Variants in LZTFL1 observed in about 807,000 individuals in gnomAD.
The protein encoded by LZTFL1 is leucine zipper transcription factor like 1, also known as leucine zipper transcription factor-like protein 1.
In LZTFL1, 25 loss-of-function variants were observed where a neutral mutation model predicts 45.9. The ratio of observed to expected loss-of-function variants is 0.54; its 90% CI spans 0.40 to 0.76. LZTFL1 has a LOEUF of 0.76. Among genes scored for constraint, LZTFL1 ranks in the 30% least tolerant of loss-of-function variants. The pLI is 0.00. For synonymous variants in LZTFL1, 93 were observed against 117.4 expected (o/e 0.79, Z 1.35); for missense variants, 277 against 331.1 (o/e 0.84, Z 1.27).
At chr3:45,879,846 CATT>C (rs1387812708) in intron 2 of LZTFL1, among the ~76,000 whole-genome samples, 1 of 152,186 alleles carries the variant, frequency 6.6e-6, no homozygotes, top group Middle Eastern at 3.2e-3. Context: ...AAAAACCCAA[CATT>C]ATTAACTGGA....
At chr3:45,839,582 G>C (rs932695481) in intron 1 of LZTFL1, among the ~76,000 whole-genome samples, 4 of 152,120 alleles carry the variant, frequency 2.6e-5, no homozygotes, top group African/African-American at 9.7e-5. Context: ...ATGTTACTCT[G>C]ATCCTAAAGT....
At chr3:45,869,096 T>C (rs1467854650) in intron 2 of LZTFL1, among the ~76,000 whole-genome samples, 1 of 152,178 alleles carries the variant, frequency 6.6e-6, no homozygotes, top group Non-Finnish European at 1.5e-5. Flanking sequence ...AGGTCTTGTG[T>C]GACACTGACT....
chr3:45,854,974 T>C (rs1333087332), intron 4 of LZTFL1: 3 of 1,515,900 alleles, frequency 2.0e-6, no homozygotes, highest in Non-Finnish European at 2.7e-6. Flanking sequence ...TCAGATGCGC[T>C]TGTCAACTTA....
rs1559416096 is a variant in LZTFL1, at chr3:45,875,209, G to GAGCTCTA, written c.-214-16194_-214-16193insTAGAGCT. On this transcript the variant is annotated intron_variant, in intron 2 of 4. Coordinates refer to the LZTFL1 transcript ENST00000472635. ...TTTTTCTCTCCTGCTCCCTTTGAAT[G>GAGCTCTA]TGAGCTCTATGAGGGTATGCCCCTT... Among the ~76,000 whole-genome samples the GAGCTCTA allele has an allele frequency of 8.9e-3, 1,358 of 151,844 alleles. 21 individuals carry two copies. Among genetic ancestry groups the GAGCTCTA allele is most frequent in the African/African-American group, 0.031 (1,287 of 41,444 alleles).
rs992722150 is a variant in LZTFL1 at position 45,835,744 on chromosome 3, C to T, written c.169G>A (p.Val57Ile). The change falls in exon 3 of 10, where the codon GTC (valine) becomes ATC (isoleucine). Residue 57 changes from valine (V) to isoleucine (I), a missense_variant. By Grantham distance (29) the Val-to-Ile change is conservative. Transcript: ENST00000296135. ...ACCACAGCTTGTAATCCATTGAGGA[C>T]TTCAGAGACTTCATCTATGGTGAAG... ...DTFTIDEVSE[V>I]LNGLQAVVHS... 3.7e-6 allele frequency: 6 copies of T among 1,613,848 alleles called. No homozygotes were observed. The highest frequency in any genetic ancestry group is 5.1e-6 in the Non-Finnish European group (6 of 1,179,926).
chr3:45,856,483 T>A (rs903666341), intron 3 of LZTFL1, among the ~76,000 whole-genome samples: 1 of 152,032 alleles, frequency 6.6e-6, no homozygotes, highest in Non-Finnish European at 1.5e-5. Flanking sequence ...AGGCAAAGAT[T>A]TCATGACAAA....
rs192119650 is a variant in LZTFL1, at chr3:45,832,760, C to G, written c.456+290G>C. The G allele has an allele frequency of 2.6e-5, 6 of 226,788 alleles. No homozygotes were observed. The East Asian group carries it at 5.0e-4, about 19-fold the overall frequency. The allele number at this position is 226,788 out of a possible 1,614,324, so 14.0% of individuals were successfully genotyped here. A position where few individuals can be genotyped will look rare whatever the true frequency, so the allele number is the denominator to read the frequency against. On this transcript the variant is annotated intron_variant, in intron 5 of 9. Coordinates refer to ENST00000296135, the MANE Select transcript of LZTFL1 (RefSeq NM_020347.4). ...AATAATTTTTATAAACTTAAAAACC[C>G]TTCTCCTTGTTACCGCAGATCACAA...
At chr3:45,834,324 A>T in intron 3 of LZTFL1, 26 bp from the exon 4 acceptor site, 2 of 1,443,024 alleles carry the variant, frequency 1.4e-6, no homozygotes, top group Non-Finnish European at 1.9e-6. Context: ...AAAGATAAAA[A>T]TTATTCATTT....
At chr3:45,902,300 G>A (rs1291936480) in intron 2 of LZTFL1, 2 of 180,134 alleles carry the variant, frequency 1.1e-5, no homozygotes, top group African/African-American at 4.8e-5. Flanking sequence ...ACTGGCTGCT[G>A]CTACAGACCG....
chr3:45,877,921 T>G (rs1701779269), intron 2 of LZTFL1, among the ~76,000 whole-genome samples: 1 of 151,962 alleles, frequency 6.6e-6, no homozygotes, highest in Admixed American at 6.6e-5. Context: ...AATTTTTGTA[T>G]TTTTAGTAGA....
intron 2 of LZTFL1, among the ~76,000 whole-genome samples, chr3:45,904,961 T>C (rs1330825053): frequency 6.6e-6 from 1 of 152,174 alleles, no homozygotes; most frequent in Non-Finnish European, 1.5e-5. Flanking sequence ...CTCACTGAAG[T>C]TGGCCACTCC....
intron 1 of LZTFL1, among the ~76,000 whole-genome samples, chr3:45,841,214 C>A (rs1701102736): frequency 6.6e-6 from 1 of 152,172 alleles, no homozygotes; most frequent in Non-Finnish European, 1.5e-5. Context: ...ACAGTGTGGA[C>A]TAAATAGAAA....
intron 1 of LZTFL1, among the ~76,000 whole-genome samples, chr3:45,839,144 A>G (rs962152775): frequency 1.5e-4 from 23 of 152,256 alleles, no homozygotes; most frequent in Non-Finnish European, 8.8e-5. Flanking sequence ...GCTGGAGTGC[A>G]GTGGCGCAAT....
chr3:45,885,602 ACTGTT>A (rs1701958189), intron 2 of LZTFL1, among the ~76,000 whole-genome samples: 1 of 152,204 alleles, frequency 6.6e-6, no homozygotes, highest in African/African-American at 2.4e-5. Context: ...TTTCAATAGC[ACTGTT>A]GGCGACGATG....
Position 45,888,750 on chromosome 3 carries a change from A to C in LZTFL1, c.-215+24370T>G, listed in dbSNP as rs144117359. Among the ~76,000 whole-genome samples the C allele has an allele frequency of 7.7e-4, 117 of 152,290 alleles. 1 individual carries two copies. The East Asian group carries it at 0.022, about 29-fold the overall frequency. On this transcript the variant is annotated intron_variant, in intron 2 of 4. Coordinates refer to the LZTFL1 transcript ENST00000472635. ...AAGACAAAAATGAAAGCAAGCACTGAGACTTAGTAGCTGGGAGAATAAAAT... is the reference window on the plus strand; with the variant it reads ...AAGACAAAAATGAAAGCAAGCACTGCGACTTAGTAGCTGGGAGAATAAAAT...
intron 3 of LZTFL1, chr3:45,855,106 A>C (rs772333035): frequency 3.8e-6 from 5 of 1,326,372 alleles, no homozygotes; most frequent in Non-Finnish European, 5.2e-6. Context: ...TAAAAATTAT[A>C]AGTTGTATCT....
chr3:45,827,276 T>C, intron 9 of LZTFL1, 80 bp downstream of exon 9: 1 of 1,119,086 alleles, frequency 8.9e-7, no homozygotes. Context: ...GCTTGACCTC[T>C]CTGGAACAAG....
chr3:45,879,979 G>T (rs937658714), intron 2 of LZTFL1, among the ~76,000 whole-genome samples: 1 of 152,100 alleles, frequency 6.6e-6, no homozygotes. Flanking sequence ...TTCCATCAGG[G>T]GTGGCAGGAG....
chr3:45,912,198 G>C (rs1042968229), intron 2 of LZTFL1, among the ~76,000 whole-genome samples: 1 of 152,206 alleles, frequency 6.6e-6, no homozygotes, highest in East Asian at 1.9e-4. Context: ...AGATTGTTGC[G>C]TGTGTTTTTG....
Sources: allele counts gnomAD v4.1 joint callset (sites outside exome capture counted in the v4.1 genomes callset), GRCh38; gene constraint gnomAD v4.1.1; transcripts MANE v1.5; gene names NCBI Gene and HGNC (gene_info 2026-07-23, HGNC 2026-07-21).